The following ASIC2 variants were observed in gnomAD, a reference collection of about 807,000 sequenced individuals.
The protein encoded by ASIC2 is acid sensing ion channel subunit 2.
In ASIC2, 25 loss-of-function variants were observed where a neutral mutation model predicts 57.3. The ratio of observed to expected loss-of-function variants is 0.44; its 90% CI spans 0.32 to 0.61. The LOEUF is 0.61. Ranked by LOEUF, ASIC2 falls within the 20% of genes least tolerant of loss-of-function variation. ASIC2 has a pLI of 0.06. For synonymous variants in ASIC2, 319 were observed against 307.5 expected (o/e 1.04, Z -0.39); for missense variants, 641 against 738.1 (o/e 0.87, Z 1.52).
At chr17:34,141,597 A>C (rs1912274641) in intron 1 of ASIC2, among the ~76,000 whole-genome samples, 1 of 152,216 alleles carries the variant, frequency 6.6e-6, no homozygotes, top group Admixed American at 6.5e-5. Context: ...AGCCTAGCAC[A>C]ATGTCTAGAA....
chr17:33,758,112 T>C (rs1023199021), intron 1 of ASIC2, among the ~76,000 whole-genome samples: 1 of 152,210 alleles, frequency 6.6e-6, no homozygotes, highest in African/African-American at 2.4e-5. Context: ...CCGCAAACAC[T>C]GTACATGGTG....
chr17:33,962,728 G>A (rs918956059), intron 1 of ASIC2, among the ~76,000 whole-genome samples: 8 of 152,092 alleles, frequency 5.3e-5, no homozygotes, highest in African/African-American at 1.7e-4. Context: ...AGTTTTCTTC[G>A]AAGTGCCTAT....
At chr17:33,231,351 T>C (rs1457526801) in intron 1 of ASIC2, among the ~76,000 whole-genome samples, 2 of 152,160 alleles carry the variant, frequency 1.3e-5, no homozygotes, top group African/African-American at 2.4e-5. Flanking sequence ...TGCGGGTACC[T>C]GGAGTCTGGT....
intron 1 of ASIC2, among the ~76,000 whole-genome samples, chr17:34,142,624 C>G (rs1442723823): frequency 1.3e-5 from 2 of 152,226 alleles, no homozygotes; most frequent in African/African-American, 4.8e-5. Flanking sequence ...AGCTCCAGCT[C>G]TTATTCACTG....
chr17:33,216,529 A>C (rs574044968), intron 1 of ASIC2, among the ~76,000 whole-genome samples: 1 of 152,270 alleles, frequency 6.6e-6, no homozygotes, highest in African/African-American at 2.4e-5. Context: ...TTAGGCAAGG[A>C]AGGAAGGAAG....
chr17:33,243,924 T>C (rs1383135223), intron 1 of ASIC2, among the ~76,000 whole-genome samples: 1 of 152,228 alleles, frequency 6.6e-6, no homozygotes. Context: ...AAATTGGCTG[T>C]GTGACCTTGG....
intron 1 of ASIC2, among the ~76,000 whole-genome samples, chr17:33,964,201 C>T (rs1339018199): frequency 6.6e-6 from 1 of 152,204 alleles, no homozygotes; most frequent in Non-Finnish European, 1.5e-5. Context: ...TTGTCAGTTT[C>T]AGTAGATGCC....
chr17:34,036,685 T>G (rs200189462), intron 1 of ASIC2: 31,988 of 127,046 alleles, frequency 0.25, 3,724 homozygotes, highest in African/African-American at 0.36. Context: ...AATTTGTTTT[T>G]TTTTTTTTTT....
chr17:33,987,225 C>T (rs1432187473), intron 1 of ASIC2, among the ~76,000 whole-genome samples: 6 of 152,126 alleles, frequency 3.9e-5, no homozygotes, highest in Non-Finnish European at 8.8e-5. Flanking sequence ...TGAACCAACT[C>T]GGCTGCTCCC....
intron 1 of ASIC2, among the ~76,000 whole-genome samples, chr17:33,740,759 T>G (rs1476453295): frequency 6.6e-6 from 1 of 152,052 alleles, no homozygotes; most frequent in African/African-American, 2.4e-5. Context: ...ACTCACCAGT[T>G]CTCCCTCAGA....
intron 1 of ASIC2, among the ~76,000 whole-genome samples, chr17:34,109,501 A>G (rs532035324): frequency 6.6e-6 from 1 of 152,308 alleles, no homozygotes; most frequent in South Asian, 2.1e-4. Flanking sequence ...TCTTTACCAT[A>G]TAAGCATTCA....
intron 3 of ASIC2, among the ~76,000 whole-genome samples, chr17:33,030,409 A>C (rs989444680): frequency 4.6e-5 from 7 of 151,982 alleles, no homozygotes; most frequent in African/African-American, 1.7e-4. Context: ...CTCTCAGCGT[A>C]ATGTTTTTGA....
intron 1 of ASIC2, among the ~76,000 whole-genome samples, chr17:33,195,737 C>T (rs1238468727): frequency 2.0e-5 from 3 of 152,184 alleles, no homozygotes; most frequent in Non-Finnish European, 4.4e-5. Flanking sequence ...AAATGGCTTG[C>T]CGAAGGTCAT....
chr17:33,694,899 C>T lies in ASIC2; in HGVS notation c.555+461079G>A, dbSNP rs559740155. Among the ~76,000 whole-genome samples the T allele has an allele frequency of 3.3e-5, 5 of 152,224 alleles. No homozygotes were observed. In the East Asian group the frequency reaches 7.7e-4, roughly 24 times the overall value. The stretch of plus-strand genomic sequence containing the variant: ...TCTCTTCTCCTGTCCTCTTGTTCCC[C>T]GTCTCACTCAGCAAATAGAATGGCT... On this transcript the variant is annotated intron_variant, in intron 1 of 9. Coordinates refer to the ASIC2 transcript ENST00000359872.
At chr17:33,370,144 G>A (rs1263693776) in intron 1 of ASIC2, among the ~76,000 whole-genome samples, 1 of 152,188 alleles carries the variant, frequency 6.6e-6, no homozygotes, top group African/African-American at 2.4e-5. Flanking sequence ...GGGACAGGCT[G>A]ATGGGAGGCT....
chr17:33,850,107 C>G (rs1436813350), intron 1 of ASIC2, among the ~76,000 whole-genome samples: 1 of 152,178 alleles, frequency 6.6e-6, no homozygotes, highest in Non-Finnish European at 1.5e-5. Context: ...TATCATTCTT[C>G]CATTACTGTT....
chr17:33,954,266 T>C (rs1904667197), intron 1 of ASIC2, among the ~76,000 whole-genome samples: 1 of 151,972 alleles, frequency 6.6e-6, no homozygotes, highest in African/African-American at 2.4e-5. Context: ...GAGTGTGTTG[T>C]GTGCAGCAGA....
chr17:33,733,619 ATC>A (rs1339064929), intron 1 of ASIC2, among the ~76,000 whole-genome samples: 3 of 152,082 alleles, frequency 2.0e-5, no homozygotes, highest in Admixed American at 6.5e-5. Flanking sequence ...TACATGACTT[ATC>A]TCTCTGAGCC....
intron 1 of ASIC2, among the ~76,000 whole-genome samples, chr17:33,981,274 T>C (rs1905612880): frequency 6.6e-6 from 1 of 152,138 alleles, no homozygotes; most frequent in Non-Finnish European, 1.5e-5. Flanking sequence ...TATGAGTTCT[T>C]CCTAATAAAC....
Sources: gnomAD v4.1 joint callset for allele counts (sites outside exome capture counted in the v4.1 genomes callset) on GRCh38, gnomAD v4.1.1 for gene constraint, MANE v1.5 for transcripts, NCBI Gene and HGNC (gene_info 2026-07-23, HGNC 2026-07-21) for gene names.